Variants in CACNA1D observed in about 807,000 individuals in gnomAD.
The protein encoded by CACNA1D is voltage-dependent L-type calcium channel subunit alpha-1D.
In CACNA1D, 55 loss-of-function variants were observed where a neutral mutation model predicts 257.1. The observed-to-expected ratio is 0.21, with a 90% CI of 0.17 to 0.27. The LOEUF (loss-of-function observed/expected upper bound fraction) is 0.27. Ranked by LOEUF, CACNA1D falls within the 10% of genes least tolerant of loss-of-function variation. The pLI, the probability that CACNA1D is intolerant of heterozygous loss-of-function variation, is 1.00. For missense variants in CACNA1D, 1,876 were observed against 2,784.0 expected (o/e 0.67, Z 7.34); for synonymous variants, 980 against 1,014.9 (o/e 0.97, Z 0.65).
chr3:53,676,942 C>T (rs544790303), intron 8 of CACNA1D, among the ~76,000 whole-genome samples: 1 of 152,254 alleles, frequency 6.6e-6, no homozygotes, highest in South Asian at 2.1e-4. Context: ...GCAATTTAAC[C>T]TTAAGTTGTC....
intron 20 of CACNA1D, among the ~76,000 whole-genome samples, 187 bp from the exon 21 acceptor site, chr3:53,740,093 G>T (rs919242994): frequency 2.0e-5 from 3 of 152,174 alleles, no homozygotes; most frequent in Non-Finnish European, 4.4e-5. Flanking sequence ...ATTCTCAAAC[G>T]CTCTTTGGGA....
intron 8 of CACNA1D, among the ~76,000 whole-genome samples, chr3:53,676,230 G>A (rs915874751): frequency 2.0e-5 from 3 of 152,130 alleles, no homozygotes; most frequent in African/African-American, 4.8e-5. Flanking sequence ...CTCCCCCGGC[G>A]ACTGACGATG....
intron 4 of CACNA1D, 122 bp from the exon 5 acceptor site, chr3:53,660,011 C>A: frequency 5.0e-6 from 4 of 803,626 alleles, no homozygotes; most frequent in Admixed American, 2.1e-5. Flanking sequence ...TCTTTGTCTT[C>A]CTTTTATTTA....
intron 25 of CACNA1D, 49 bp downstream of exon 25, chr3:53,745,924 A>T (rs1302456603): frequency 4.2e-6 from 6 of 1,425,624 alleles, no homozygotes; most frequent in South Asian, 1.2e-5. Context: ...CAAATAGCAG[A>T]CTTCAAGGAT....
intron 9 of CACNA1D, among the ~76,000 whole-genome samples, chr3:53,717,794 G>A (rs1298136633): frequency 6.6e-6 from 1 of 152,092 alleles, no homozygotes; most frequent in Non-Finnish European, 1.5e-5. Context: ...TCTAAAAAAT[G>A]TTGTGCATGG....
intron 3 of CACNA1D, among the ~76,000 whole-genome samples, chr3:53,555,654 C>T (rs377168841): frequency 6.0e-4 from 91 of 152,066 alleles, no homozygotes; most frequent in African/African-American, 2.1e-3. Context: ...TCACCACCCC[C>T]TCCTCCCAAC....
chr3:53,623,782 G>C (rs748045737), intron 3 of CACNA1D, among the ~76,000 whole-genome samples: 1 of 152,184 alleles, frequency 6.6e-6, no homozygotes, highest in Non-Finnish European at 1.5e-5. Context: ...CCACAGCTCT[G>C]ATTCTCCCCT....
intron 4 of CACNA1D, among the ~76,000 whole-genome samples, chr3:53,651,281 G>GT (rs1301631291): frequency 6.8e-6 from 1 of 146,348 alleles, no homozygotes; most frequent in Non-Finnish European, 1.5e-5. Context: ...CCAATGTTAA[G>GT]TTAAAAAAAG....
chr3:53,618,341 G>A (rs1456837621), intron 3 of CACNA1D, among the ~76,000 whole-genome samples: 1 of 152,204 alleles, frequency 6.6e-6, no homozygotes, highest in Non-Finnish European at 1.5e-5. Context: ...GGCTCTGCAG[G>A]AACACTTCAG....
intron 37 of CACNA1D, among the ~76,000 whole-genome samples, chr3:53,779,710 A>G (rs1173272783): frequency 6.6e-6 from 1 of 152,174 alleles, no homozygotes; most frequent in African/African-American, 2.4e-5. Context: ...CCTCATCAAC[A>G]GAATGAGGCC....
At chr3:53,575,147 A>G (rs979495410) in intron 3 of CACNA1D, among the ~76,000 whole-genome samples, 2 of 152,194 alleles carry the variant, frequency 1.3e-5, no homozygotes, top group African/African-American at 4.8e-5. Flanking sequence ...CTTATAGGAC[A>G]GTGCTGGCGG....
chr3:53,581,936 TC>T (rs1174534730), intron 3 of CACNA1D, among the ~76,000 whole-genome samples: 1 of 152,200 alleles, frequency 6.6e-6, no homozygotes, highest in Non-Finnish European at 1.5e-5. Context: ...AGCTGCTGTC[TC>T]CAGTGGAGGC....
At position 53,732,090 on chromosome 3, in the gene CACNA1D, G is replaced by A; in HGVS notation, c.2473+8G>A. Reference sequence around the variant, plus strand: ...CGCCTTGCGATGTGCCAGGTATGGTGGCGGAGGCCGGAGACGCTGGCTTTG... The same window carrying A: ...CGCCTTGCGATGTGCCAGGTATGGTAGCGGAGGCCGGAGACGCTGGCTTTG... On this transcript the variant is annotated splice_region_variant and intron_variant, in intron 18 of 47. Coordinates refer to ENST00000350061, the MANE Select transcript of CACNA1D (RefSeq NM_001128840.3). 2 of 1,606,470 alleles carry A rather than the reference G, an allele frequency of 1.2e-6. No individual in the cohort carries two copies. The highest frequency in any genetic ancestry group is 1.7e-6 in the Non-Finnish European group (2 of 1,173,014).
At chr3:53,591,177 T>A (rs1426210674) in intron 3 of CACNA1D, among the ~76,000 whole-genome samples, 1 of 152,182 alleles carries the variant, frequency 6.6e-6, no homozygotes, top group East Asian at 1.9e-4. Context: ...ATTCTCTCTG[T>A]CTGGAATACT....
chr3:53,774,512 A>T lies in CACNA1D; in HGVS notation c.4111-75A>T. ...AGCTGGTAAAGATCAAACCTGAGTT[A>T]GTTCTAAATTCACATACGGATTTTT... On this transcript the variant is annotated intron_variant, in intron 33 of 47. Coordinates refer to ENST00000350061, the MANE Select transcript of CACNA1D (RefSeq NM_001128840.3). This position sits in a 1 kb window ranked among gnomAD's most constrained non-coding sequence, Gnocchi z 4.3. 1.2e-6 allele frequency: 1 copy of T among 866,022 alleles called. No individual in the cohort carries two copies. Among genetic ancestry groups the T allele is most frequent in the Non-Finnish European group, 2.0e-6 (1 of 499,952 alleles). 53.6% of individuals were successfully genotyped at this position (866,022 alleles called of 1,614,324 possible).
At chr3:53,749,224 G>A (rs2095202417) in intron 26 of CACNA1D, 44 bp from the exon 27 acceptor site, 4 of 1,431,656 alleles carry the variant, frequency 2.8e-6, no homozygotes, top group Non-Finnish European at 3.9e-6. Flanking sequence ...GGCCGTGTGG[G>A]CTGGGGGGCT....
rs899310535 is a variant in CACNA1D, at chr3:53,568,169, C to G, written c.483+66449C>G. On this transcript the variant is annotated intron_variant, in intron 3 of 47. Coordinates refer to ENST00000350061, the MANE Select transcript of CACNA1D (RefSeq NM_001128840.3). ...ATTGCATACTGTCTTGGTAAGACCT[C>G]AGACTTGCTTAGCTGCAGCTCTTCA... Among the ~76,000 whole-genome samples the G allele has an allele frequency of 4.6e-5, 7 of 152,140 alleles. No homozygotes were observed. In the East Asian group the frequency reaches 1.2e-3, roughly 25 times the overall value.
At chr3:53,679,068 GAGACCAGCC>G (rs2094402898) in intron 8 of CACNA1D, 1 of 151,460 alleles carries the variant, frequency 6.6e-6, no homozygotes, top group Non-Finnish European at 1.5e-5. Context: ...TCAGGAGTTT[GAGACCAGCC>G]TGACTAAGGC....
intron 3 of CACNA1D, among the ~76,000 whole-genome samples, chr3:53,555,248 C>A (rs2092616151): frequency 6.6e-6 from 1 of 152,120 alleles, no homozygotes; most frequent in Non-Finnish European, 1.5e-5. Context: ...GGATTTCCAG[C>A]TATGTTTTTT....
Sources: gnomAD v4.1 joint callset for allele counts (sites outside exome capture counted in the v4.1 genomes callset) on GRCh38, gnomAD v4.1.1 for gene constraint, Gnocchi (gnomAD v3.1) non-coding constraint, MANE v1.5 for transcripts, NCBI Gene and HGNC (gene_info 2026-07-23, HGNC 2026-07-21) for gene names.